PEDS1: variants seen among roughly 807,000 people sequenced by gnomAD.
PEDS1 encodes plasmanylethanolamine desaturase 1.
Under a neutral mutation model 35.2 loss-of-function variants are expected in PEDS1, and 14 were observed. That is an observed-to-expected ratio of 0.40 (90% confidence interval 0.26 to 0.62). PEDS1 has a LOEUF of 0.62. PEDS1 is among the 20% of genes least tolerant of loss of function. The pLI is 0.44. For missense variants in PEDS1, 260 were observed against 367.8 expected (o/e 0.71, Z 2.40); for synonymous variants, 152 against 152.0 (o/e 1.00, Z 0.00).
At chr20:50,151,415 C>T (rs567443374) in intron 1 of PEDS1, 1 of 716,662 alleles carries the variant, frequency 1.4e-6, no homozygotes. Context: ...ATGATTTGGG[C>T]TGTCTGAAAG....
intron 1 of PEDS1, among the ~76,000 whole-genome samples, chr20:50,149,817 G>A (rs2081383779): frequency 6.6e-6 from 1 of 152,160 alleles, no homozygotes; most frequent in Admixed American, 6.5e-5. Flanking sequence ...CCATAGTGAA[G>A]AGTAAGAACA....
intron 2 of PEDS1, 45 bp downstream of exon 2, chr20:50,143,451 TCCCTGG>T (rs1188492068): frequency 2.2e-5 from 35 of 1,570,458 alleles, no homozygotes; most frequent in Non-Finnish European, 2.9e-5. Context: ...ACCCGGTGGG[TCCCTGG>T]CCCCTAGGGA....
intron 5 of PEDS1, among the ~76,000 whole-genome samples, chr20:50,126,244 TC>T (rs1395943618): frequency 6.6e-6 from 1 of 152,148 alleles, no homozygotes; most frequent in African/African-American, 2.4e-5. Flanking sequence ...CTTACAGCCT[TC>T]CAGCTCACCA....
chr20:50,126,775 C>T (rs1480035742), intron 5 of PEDS1, among the ~76,000 whole-genome samples: 1 of 152,238 alleles, frequency 6.6e-6, no homozygotes, highest in Non-Finnish European at 1.5e-5. Context: ...TCACCTCTTT[C>T]GCACTGGCTG....
intron 2 of PEDS1, among the ~76,000 whole-genome samples, chr20:50,142,605 A>C (rs2081302094): frequency 7.0e-6 from 1 of 141,988 alleles, no homozygotes. Flanking sequence ...CGGCCGGCTA[A>C]TTTTTGTATT....
At position 50,143,508 on chromosome 20, in the gene PEDS1, C is replaced by G; in HGVS notation, c.235G>C (p.Gly79Arg). The G allele has an allele frequency of 6.2e-7, 1 of 1,606,366 alleles. No homozygotes were observed. The highest frequency in any genetic ancestry group is 8.5e-7 in the Non-Finnish European group (1 of 1,177,108). Residue 79 changes from glycine (G) to arginine (R), a missense_variant, in exon 2 of 6, where the codon GGT becomes CGT. Physicochemically the swap from Gly to Arg is moderately radical, Grantham distance 125 (BLOSUM62 -2). This residue lies in a region of PEDS1 where 114 missense variants were observed against 121.6 expected (regional missense o/e 0.94). Transcript: ENST00000371652. ...CAGTGCCTCGGGCACTCACCAACAC[C>G]GAGTATGACGAGGGGTGTGTCCTCC... ...RWEDTPLVILGVVAGALIADF... is the reference protein window; with the variant it reads ...RWEDTPLVILRVVAGALIADF...
In PEDS1 at chr20:50,129,586, C is replaced by A; in HGVS notation, c.438G>T (p.Pro146=). 1 of 1,614,070 alleles carries A rather than the reference C, an allele frequency of 6.2e-7. No individual in the cohort carries two copies. Among genetic ancestry groups the A allele is most frequent in the Non-Finnish European group, 8.5e-7 (1 of 1,179,992 alleles). Residue 146 remains proline (P), a synonymous_variant, in exon 4 of 6, where the codon CCG becomes CCT. Transcript: ENST00000371652. The surrounding 1 kb of genome is among the most constrained non-coding windows in gnomAD (Gnocchi z 4.2). ...GGAACTTGTAGGCCATGTTTAGCAG[C>A]GGCAGCAGTGTCACCAGGCAGTTGT... ...NGDNCLVTLL[P]LLNMAYKFRT...
intron 2 of PEDS1, among the ~76,000 whole-genome samples, chr20:50,132,447 C>T (rs1489414791): frequency 6.6e-6 from 1 of 152,152 alleles, no homozygotes; most frequent in Non-Finnish European, 1.5e-5. Context: ...GCCTCTGGGT[C>T]TTTGCATTTG....
chr20:50,127,517 C>T (rs1469314584), intron 5 of PEDS1, among the ~76,000 whole-genome samples: 4 of 151,704 alleles, frequency 2.6e-5, no homozygotes, highest in South Asian at 4.2e-4. Context: ...AATTTTTTTT[C>T]GTATTTTTAG....
intron 1 of PEDS1, among the ~76,000 whole-genome samples, chr20:50,144,597 G>A (rs577591121): frequency 2.0e-5 from 3 of 152,312 alleles, no homozygotes; most frequent in Non-Finnish European, 4.4e-5. Flanking sequence ...GCCCAGACAA[G>A]CTGATTCACT....
In PEDS1 at chr20:50,143,596, A is replaced by T. The variant is rs1421660628; in HGVS notation, c.147T>A (p.Ser49=). The T allele has an allele frequency of 6.2e-7, 1 of 1,613,978 alleles. No individual in the cohort carries two copies. The highest frequency in any genetic ancestry group is 1.3e-5 in the African/African-American group (1 of 74,922). The change falls in exon 2 of 6, where the codon TCT becomes TCA. Residue 49 remains serine, a synonymous_variant. Coordinates refer to ENST00000371652, the MANE Select transcript of PEDS1 (RefSeq NM_199129.4). ...SPGKRLQEWC[S]VILCFSLIAH... ...CGATGAGGCTGAAGCACAGGATCAC[A>T]GAGCACCACTCCTGGAGGCGCTTGC...
chr20:50,127,488 C>T (rs1037380464), intron 5 of PEDS1, among the ~76,000 whole-genome samples: 9 of 151,962 alleles, frequency 5.9e-5, no homozygotes, highest in Non-Finnish European at 1.3e-4. Flanking sequence ...ATTACAGGTG[C>T]CTGCCACCAA....
chr20:50,125,330 G>T, intron 5 of PEDS1, 151 bp from the exon 6 acceptor site: 1 of 1,076,882 alleles, frequency 9.3e-7, no homozygotes, highest in Non-Finnish European at 1.3e-6. Context: ...ACTGGAAGTG[G>T]GGGCCTCCCA....
intron 2 of PEDS1, among the ~76,000 whole-genome samples, chr20:50,137,356 G>A (rs2081247760): frequency 6.6e-6 from 1 of 152,216 alleles, no homozygotes; most frequent in African/African-American, 2.4e-5. Context: ...TAACTTAACT[G>A]TGGAGAACTC....
rs747856339 is a variant in PEDS1, at chr20:50,130,867, T to C, written c.322A>G (p.Ile108Val). Residue 108 changes from isoleucine to valine, a missense_variant, in exon 3 of 6, where the codon ATT becomes GTT. Ile to Val is a conservative substitution (Grantham distance 29). This residue lies in a region of PEDS1 where 34 missense variants were observed against 81.9 expected (regional missense o/e 0.41). Transcript: ENST00000371652. ...ADTWGSVELP[I>V]VGKAFIRPFR... ...GTCAACATACTCACCTTCCCCACAA[T>C]GGGCAGCTCCACAGAGCCCCATGTG... 1 of 1,614,084 alleles carries C rather than the reference T, an allele frequency of 6.2e-7. No individual in the cohort carries two copies. Among genetic ancestry groups the C allele is most frequent in the Non-Finnish European group, 8.5e-7 (1 of 1,180,016 alleles).
chr20:50,151,435 T>C, intron 1 of PEDS1: 1 of 548,438 alleles, frequency 1.8e-6, no homozygotes, highest in South Asian at 1.5e-5. Context: ...GTAGGTAGGG[T>C]TCACAGGAGC....
At chr20:50,153,179 T>G (rs1196023868) in intron 1 of PEDS1, among the ~76,000 whole-genome samples, 37 of 123,694 alleles carry the variant, frequency 3.0e-4, no homozygotes, top group Admixed American at 5.9e-4. Context: ...GATGAGGGGG[T>G]GGGGTTCTAA....
intron 2 of PEDS1, among the ~76,000 whole-genome samples, chr20:50,138,990 T>C (rs2081264551): frequency 6.6e-6 from 1 of 152,082 alleles, no homozygotes; most frequent in Admixed American, 6.5e-5. Context: ...CTCAAAGGCC[T>C]GGCGTGGAGA....
intron 1 of PEDS1, among the ~76,000 whole-genome samples, chr20:50,147,544 G>T (rs1038903543): frequency 6.6e-6 from 1 of 152,180 alleles, no homozygotes; most frequent in African/African-American, 2.4e-5. Flanking sequence ...GGAAACTGAG[G>T]TTCAGAGCTG....
Sources: gnomAD v4.1 joint callset for allele counts (sites outside exome capture counted in the v4.1 genomes callset) on GRCh38, gnomAD v4.1.1 for gene constraint, gnomAD v4.1.1 regional missense constraint, Gnocchi (gnomAD v3.1) non-coding constraint, MANE v1.5 for transcripts, NCBI Gene and HGNC (gene_info 2026-07-23, HGNC 2026-07-21) for gene names.